The following CTNND2 variants were observed in gnomAD, a reference collection of about 807,000 sequenced individuals.
CTNND2 encodes the protein catenin delta 2.
A neutral mutation model predicts 144.4 loss-of-function variants in CTNND2; 22 were observed. That is an observed-to-expected ratio of 0.15 (90% CI 0.11 to 0.22). The LOEUF is 0.22. Ranked by LOEUF, CTNND2 falls within the 10% of genes least tolerant of loss-of-function variation. The pLI, the probability that CTNND2 is intolerant of heterozygous loss-of-function variation, is 1.00. For missense variants in CTNND2, 1,353 were observed against 1,618.8 expected (o/e 0.84, Z 2.82); for synonymous variants, 751 against 695.6 (o/e 1.08, Z -1.25).
At chr5:11,850,739 AT>A (rs1328002822) in intron 1 of CTNND2, among the ~76,000 whole-genome samples, 3 of 152,214 alleles carry the variant, frequency 2.0e-5, no homozygotes, top group African/African-American at 7.2e-5. Context: ...AAAAGTTTCT[AT>A]TTGAAGTACA....
At chr5:11,315,364 A>G (rs1751378860) in intron 9 of CTNND2, among the ~76,000 whole-genome samples, 1 of 152,220 alleles carries the variant, frequency 6.6e-6, no homozygotes, top group Non-Finnish European at 1.5e-5. Context: ...AACAATATTG[A>G]AATAATGTAT....
intron 12 of CTNND2, among the ~76,000 whole-genome samples, chr5:11,150,887 A>G (rs891003728): frequency 5.3e-5 from 8 of 151,998 alleles, no homozygotes; most frequent in African/African-American, 1.7e-4. Flanking sequence ...TGGCCTCTCA[A>G]AGTGCTGAGA....
At chr5:11,061,400 T>G (rs1325436518) in intron 16 of CTNND2, among the ~76,000 whole-genome samples, 1 of 152,224 alleles carries the variant, frequency 6.6e-6, no homozygotes, top group Non-Finnish European at 1.5e-5. Flanking sequence ...AACTTCCTTA[T>G]CCAGGCTGAA....
chr5:11,455,146 C>T (rs1160985681), intron 3 of CTNND2, among the ~76,000 whole-genome samples: 1 of 151,352 alleles, frequency 6.6e-6, no homozygotes, highest in African/African-American at 2.4e-5. Context: ...AGCACTAGAT[C>T]CTTTAAACCA....
intron 2 of CTNND2, among the ~76,000 whole-genome samples, chr5:11,623,790 ATATATATATGTGTGTATG>A (rs1337064187): frequency 3.2e-4 from 25 of 77,758 alleles, no homozygotes; most frequent in East Asian, 8.7e-4. Context: ...ACTATCGTAA[ATATATATATGTGTGTATG>A]TATATATATA....
intron 3 of CTNND2, among the ~76,000 whole-genome samples, chr5:11,464,687 TGAGAGCATG>T (rs1468770392): frequency 2.6e-5 from 4 of 152,000 alleles, no homozygotes; most frequent in Non-Finnish European, 5.9e-5. Context: ...GATATACAGG[TGAGAGCATG>T]GTGGACCAGG....
intron 12 of CTNND2, among the ~76,000 whole-genome samples, chr5:11,125,974 C>T (rs1754632813): frequency 6.6e-6 from 1 of 152,172 alleles, no homozygotes; most frequent in Non-Finnish European, 1.5e-5. Flanking sequence ...ATGATGGTAG[C>T]TACAGTTATT....
At position 11,887,141 on chromosome 5, in the gene CTNND2, G is replaced by A. The variant is rs932845880; in HGVS notation, c.37+16676C>T. 4.0e-5 allele frequency among the ~76,000 whole-genome samples: 6 copies of A among 151,724 alleles called. No individual in the cohort carries two copies. In the South Asian group the frequency reaches 6.3e-4, roughly 16 times the overall value. On this transcript the variant is annotated intron_variant, in intron 1 of 21. Coordinates refer to ENST00000304623, the MANE Select transcript of CTNND2 (RefSeq NM_001332.4). ...TGGGACTACAGGCGCATACCGCCAC[G>A]CCCAGCTAATTTTTTGTATTTTTAG...
intron 3 of CTNND2, among the ~76,000 whole-genome samples, chr5:11,470,980 A>ATATATATAT (rs1219093645): frequency 4.7e-4 from 43 of 91,526 alleles, no homozygotes; most frequent in Admixed American, 1.4e-3. Flanking sequence ...ATATATATAT[A>ATATATATAT]TTTTTTTTTT....
intron 12 of CTNND2, among the ~76,000 whole-genome samples, chr5:11,123,230 G>A (rs12655358): frequency 9.2e-5 from 14 of 152,178 alleles, no homozygotes; most frequent in Admixed American, 2.0e-4. Flanking sequence ...TAGGAGGTAG[G>A]GGGGAGCATC....
chr5:11,806,464 C>T (rs1792006175), intron 1 of CTNND2, among the ~76,000 whole-genome samples: 1 of 152,118 alleles, frequency 6.6e-6, no homozygotes, highest in Admixed American at 6.6e-5. Context: ...TCAGAGATGT[C>T]ATAGTATCTA....
chr5:11,478,578 C>T (rs1035524832), intron 3 of CTNND2, among the ~76,000 whole-genome samples: 13 of 152,200 alleles, frequency 8.5e-5, no homozygotes, highest in African/African-American at 1.2e-4. Context: ...AACAGCTTTT[C>T]TTTTAAGATC....
chr5:11,524,536 C>A (rs1178189458), intron 3 of CTNND2, among the ~76,000 whole-genome samples: 2 of 152,102 alleles, frequency 1.3e-5, no homozygotes, highest in East Asian at 3.9e-4. Context: ...GGGAACCCTG[C>A]ATTAACACAG....
At chr5:11,845,688 G>A (rs372344893) in intron 1 of CTNND2, among the ~76,000 whole-genome samples, 2 of 152,278 alleles carry the variant, frequency 1.3e-5, no homozygotes, top group African/African-American at 4.8e-5. Context: ...CTCAGTTTGC[G>A]ATGCTTTGTT....
intron 9 of CTNND2, among the ~76,000 whole-genome samples, chr5:11,332,968 C>T (rs932658648): frequency 1.6e-4 from 25 of 152,194 alleles, no homozygotes; most frequent in Non-Finnish European, 3.2e-4. Context: ...GATTGTGAGG[C>T]CTCCCCAGCC....
chr5:11,815,562 T>A (rs1561821304), intron 1 of CTNND2, among the ~76,000 whole-genome samples: 1 of 152,160 alleles, frequency 6.6e-6, no homozygotes, highest in Non-Finnish European at 1.5e-5. Context: ...CAAGGGGTTT[T>A]TTTTCTATAT....
intron 2 of CTNND2, among the ~76,000 whole-genome samples, chr5:11,634,713 G>A (rs1268712799): frequency 6.6e-6 from 1 of 152,136 alleles, no homozygotes; most frequent in African/African-American, 2.4e-5. Context: ...CCAGCACATT[G>A]TAATATTTAA....
intron 16 of CTNND2, among the ~76,000 whole-genome samples, chr5:11,066,811 T>C (rs763298188): frequency 1.3e-5 from 2 of 152,230 alleles, no homozygotes; most frequent in Non-Finnish European, 2.9e-5. Context: ...GCAATGCTAA[T>C]GCCAGAATGT....
rs144780694 is a variant in CTNND2 at position 10,999,976 on chromosome 5, G to A, written c.3085-7299C>T. Among the ~76,000 whole-genome samples the A allele has an allele frequency of 7.7e-3, 1,170 of 152,292 alleles. 19 individuals are homozygous for A. Among genetic ancestry groups the A allele is most frequent in the African/African-American group, 0.027 (1,120 of 41,558 alleles). The stretch of plus-strand genomic sequence containing the variant: ...TCATCCCCACAGCCCCACTACCATC[G>A]GTCTTCACGGTATTTCTAGGACGTG... On this transcript the variant is annotated intron_variant, in intron 18 of 21. Coordinates refer to ENST00000304623, the MANE Select transcript of CTNND2 (RefSeq NM_001332.4).
Sources: allele counts gnomAD v4.1 joint callset (sites outside exome capture counted in the v4.1 genomes callset), GRCh38; gene constraint gnomAD v4.1.1; transcripts MANE v1.5; gene names NCBI Gene and HGNC (gene_info 2026-07-23, HGNC 2026-07-21).